SCGB2B2: variants seen among roughly 807,000 people sequenced by gnomAD.
SCGB2B2 encodes secretoglobin-like protein.
A neutral mutation model predicts 7.6 loss-of-function variants in SCGB2B2; 11 were observed. The ratio of observed to expected loss-of-function variants is 1.45; its 90% CI spans 0.91 to 2.40. SCGB2B2 has a LOEUF of 2.40. Among genes scored for constraint, SCGB2B2 ranks in the 30% most tolerant of loss-of-function variants. The probability of loss-of-function intolerance (pLI) is 0.00; values close to 1 mark genes in which losing one functional copy is unlikely to be tolerated. For synonymous variants in SCGB2B2, 50 were observed against 48.6 expected (o/e 1.03, Z -0.12); for missense variants, 104 against 115.4 (o/e 0.90, Z 0.45).
At chr19:34,652,743 G>A (rs1187091002) in intron 1 of SCGB2B2, among the ~76,000 whole-genome samples, 2 of 151,252 alleles carry the variant, frequency 1.3e-5, no homozygotes, top group African/African-American at 4.9e-5. Context: ...AGGGAACTCT[G>A]GTGTGCTGTT....
At chr19:34,670,324 T>G (rs992536666) in intron 1 of SCGB2B2, among the ~76,000 whole-genome samples, 5 of 152,216 alleles carry the variant, frequency 3.3e-5, no homozygotes, top group African/African-American at 9.7e-5. Flanking sequence ...ACTGACTAAC[T>G]GTGTTCCAAA....
intron 1 of SCGB2B2, among the ~76,000 whole-genome samples, chr19:34,642,398 A>C (rs938738570): frequency 3.9e-5 from 6 of 152,070 alleles, no homozygotes; most frequent in Non-Finnish European, 5.9e-5. Flanking sequence ...GAACTGAAAC[A>C]CCACCAAAAA....
intron 1 of SCGB2B2, among the ~76,000 whole-genome samples, chr19:34,639,495 G>T (rs2066781811): frequency 6.6e-6 from 1 of 152,154 alleles, no homozygotes; most frequent in South Asian, 2.1e-4. Context: ...GGCTATTCGT[G>T]CATAGTATCA....
intron 1 of SCGB2B2, among the ~76,000 whole-genome samples, chr19:34,607,765 C>T (rs1414381710): frequency 6.6e-6 from 1 of 152,230 alleles, no homozygotes; most frequent in Non-Finnish European, 1.5e-5. Context: ...AATGCCTATG[C>T]AGGGCCTTTG....
chr19:34,652,229 T>A (rs2067180015), intron 1 of SCGB2B2, among the ~76,000 whole-genome samples: 1 of 150,980 alleles, frequency 6.6e-6, no homozygotes, highest in South Asian at 2.1e-4. Context: ...GAGTGTATAG[T>A]GAAGAACCCA....
chr19:34,608,881 T>C (rs1243158138), intron 1 of SCGB2B2: 1 of 151,854 alleles, frequency 6.6e-6, no homozygotes, highest in Non-Finnish European at 1.5e-5. Context: ...GTAATTCTAT[T>C]TTTGTTTTTT....
chr19:34,623,610 C>T (rs187729295), intron 1 of SCGB2B2, among the ~76,000 whole-genome samples: 3 of 152,248 alleles, frequency 2.0e-5, no homozygotes, highest in Non-Finnish European at 2.9e-5. Flanking sequence ...CTGGGTATCC[C>T]AGACCTACTC....
At chr19:34,613,866 C>CTCATT in intron 1 of SCGB2B2, among the ~76,000 whole-genome samples, 1 of 152,306 alleles carries the variant, frequency 6.6e-6, no homozygotes, top group Middle Eastern at 3.4e-3. Flanking sequence ...TTATTACTCT[C>CTCATT]TCATTTCTGA....
rs111703470 is a variant in SCGB2B2, at chr19:34,594,266, G to A, written c.155C>T (p.Pro52Leu). Residue 52 changes from proline (P) to leucine (L), a missense_variant, in exon 3 of 4, where the codon CCC (proline) becomes CTC (leucine). Coordinates refer to ENST00000601241, the MANE Select transcript of SCGB2B2 (RefSeq NM_001025591.4). ...LLKEELARYN[P>L]SPLTEESFLN... ...GAAGGACTCCTCTGTCAGGGGACTGGGGTTGTAACGAGCAAGCTCCTCCTT... is the reference window on the plus strand; with the variant it reads ...GAAGGACTCCTCTGTCAGGGGACTGAGGTTGTAACGAGCAAGCTCCTCCTT... 2.3e-5 allele frequency: 37 copies of A among 1,614,022 alleles called. 1 individual carries two copies. Among genetic ancestry groups the A allele is most frequent in the African/African-American group, 2.3e-4 (17 of 75,032 alleles).
Position 34,591,178 on chromosome 19 carries a change from C to T in SCGB2B2, c.*2377G>A, listed in dbSNP as rs2065288400. ...GTCCTCCTGGATAGCTAATGGATGTCTTGGATGTGGGAAACTTATCCAGGC... is the reference window on the plus strand; with the variant it reads ...GTCCTCCTGGATAGCTAATGGATGTTTTGGATGTGGGAAACTTATCCAGGC... On this transcript the variant is annotated 3_prime_UTR_variant, in exon 4 of 4. Transcript: ENST00000601241. Among the ~76,000 whole-genome samples, 1 of 152,200 alleles carries T rather than the reference C, an allele frequency of 6.6e-6. No homozygotes were observed. Among genetic ancestry groups the T allele is most frequent in the East Asian group, 1.9e-4 (1 of 5,200 alleles).
chr19:34,629,090 C>T (rs1325111310), intron 1 of SCGB2B2, among the ~76,000 whole-genome samples: 3 of 150,790 alleles, frequency 2.0e-5, no homozygotes, highest in Non-Finnish European at 4.4e-5. Context: ...TAAAAACTCT[C>T]AATAAACTAG....
At chr19:34,623,365 G>A (rs2145907045) in intron 1 of SCGB2B2, among the ~76,000 whole-genome samples, 1 of 152,334 alleles carries the variant, frequency 6.6e-6, no homozygotes, top group Non-Finnish European at 1.5e-5. Context: ...TATCTGGAAA[G>A]AGAGGGGAGA....
intron 1 of SCGB2B2, among the ~76,000 whole-genome samples, chr19:34,670,771 A>G (rs1386247991): frequency 6.6e-6 from 1 of 152,184 alleles, no homozygotes; most frequent in Admixed American, 6.5e-5. Flanking sequence ...TTGATTGAAC[A>G]TGTTTTTGGT....
At chr19:34,641,996 T>G (rs1483578396) in intron 1 of SCGB2B2, among the ~76,000 whole-genome samples, 1 of 75,406 alleles carries the variant, frequency 1.3e-5, no homozygotes, top group Non-Finnish European at 3.7e-5. Context: ...GCTAAGAGCC[T>G]TGTCCCCACA....
intron 1 of SCGB2B2, among the ~76,000 whole-genome samples, chr19:34,604,519 T>C (rs1293443906): frequency 2.0e-5 from 3 of 152,170 alleles, no homozygotes; most frequent in Non-Finnish European, 4.4e-5. Flanking sequence ...CTACAGCACA[T>C]GAGTGATCAT....
intron 1 of SCGB2B2, among the ~76,000 whole-genome samples, chr19:34,626,468 C>G (rs1406684565): frequency 1.3e-5 from 2 of 152,114 alleles, no homozygotes; most frequent in African/African-American, 4.8e-5. Flanking sequence ...AAAGCACAAG[C>G]CTCAGTAGCC....
intron 1 of SCGB2B2, among the ~76,000 whole-genome samples, chr19:34,609,637 G>A (rs2065876911): frequency 1.3e-5 from 2 of 152,040 alleles, no homozygotes; most frequent in African/African-American, 4.8e-5. Context: ...GTAAATATGT[G>A]GATTTATTTC....
rs1273383486 is a variant in SCGB2B2, at chr19:34,605,310, G to T, written c.-2031-8716C>A. Among the ~76,000 whole-genome samples the T allele has an allele frequency of 2.6e-5, 4 of 152,286 alleles. No homozygotes were observed. The East Asian group carries it at 7.7e-4, about 29-fold the overall frequency. ...GTTTTGAGAACTCTGTCTTATGTAG[G>T]TTTTGTATGGATGGCTGGAGTCATA... On this transcript the variant is annotated intron_variant, in intron 1 of 3. Transcript: ENST00000601241.
chr19:34,656,123 GA>G (rs1310434604), intron 1 of SCGB2B2, among the ~76,000 whole-genome samples: 20 of 151,232 alleles, frequency 1.3e-4, no homozygotes, highest in Non-Finnish European at 2.5e-4. Flanking sequence ...CAAAGTGAAT[GA>G]AATTACATAT....
Sources: gnomAD v4.1 joint callset for allele counts (sites outside exome capture counted in the v4.1 genomes callset) on GRCh38, gnomAD v4.1.1 for gene constraint, MANE v1.5 for transcripts, NCBI Gene and HGNC (gene_info 2026-07-23, HGNC 2026-07-21) for gene names.